The following MDFIC2 variants were observed in gnomAD, a reference collection of about 807,000 sequenced individuals.
MDFIC2 encodes the protein myoD family inhibitor domain-containing protein 2.
At chr3:70,311,038 C>T (rs1702449451) in intron 2 of MDFIC2, among the ~76,000 whole-genome samples, 1 of 152,172 alleles carries the variant, frequency 6.6e-6, no homozygotes, top group South Asian at 2.1e-4. Flanking sequence ...TATCAATAAA[C>T]ATTGTCAATG....
chr3:70,279,281 C>G (rs1483143854), intron 2 of MDFIC2, among the ~76,000 whole-genome samples: 1 of 151,986 alleles, frequency 6.6e-6, no homozygotes, highest in Non-Finnish European at 1.5e-5. Context: ...GAAACCAAGA[C>G]TCTGAGAGAT....
At chr3:70,211,866 C>G (rs944683840) in intron 2 of MDFIC2, among the ~76,000 whole-genome samples, 4 of 148,994 alleles carry the variant, frequency 2.7e-5, no homozygotes, top group Non-Finnish European at 5.9e-5. Context: ...TTTTCTTTCT[C>G]CCTTCCCTTC....
chr3:70,262,028 C>T (rs139565155), intron 2 of MDFIC2, among the ~76,000 whole-genome samples: 4 of 152,262 alleles, frequency 2.6e-5, no homozygotes, highest in East Asian at 1.9e-4. Flanking sequence ...ATAGAGGAGA[C>T]GGATTTGAGC....
intron 2 of MDFIC2, among the ~76,000 whole-genome samples, chr3:70,211,368 TTCCC>T (rs1701344254): frequency 2.7e-4 from 1 of 3,772 alleles, no homozygotes; most frequent in Admixed American, 4.9e-3. Context: ...CCCTTTGCCC[TTCCC>T]TTCCCTTTCC....
At chr3:70,231,919 A>G (rs538675397) in intron 2 of MDFIC2, among the ~76,000 whole-genome samples, 2 of 152,250 alleles carry the variant, frequency 1.3e-5, no homozygotes, top group African/African-American at 4.8e-5. Context: ...TCCAGAGCTG[A>G]TGCTACACCA....
intron 2 of MDFIC2, among the ~76,000 whole-genome samples, chr3:70,208,451 G>C (rs538449119): frequency 6.6e-6 from 1 of 151,994 alleles, no homozygotes; most frequent in Non-Finnish European, 1.5e-5. Flanking sequence ...TAAGGCAATG[G>C]GTTCTAGACT....
At chr3:70,283,209 A>T (rs1702106294) in intron 2 of MDFIC2, among the ~76,000 whole-genome samples, 1 of 152,138 alleles carries the variant, frequency 6.6e-6, no homozygotes, top group Admixed American at 6.5e-5. Context: ...TCCCAGCTTC[A>T]TCAGGAATGA....
chr3:70,273,585 G>T (rs1465064198), intron 2 of MDFIC2, among the ~76,000 whole-genome samples: 1 of 152,128 alleles, frequency 6.6e-6, no homozygotes. Context: ...TTAAAAAAAA[G>T]AAATGCAGGT....
chr3:70,265,833 C>T (rs903082425), intron 2 of MDFIC2, among the ~76,000 whole-genome samples: 6 of 152,150 alleles, frequency 3.9e-5, no homozygotes, highest in African/African-American at 1.4e-4. Flanking sequence ...GAATGAGTGC[C>T]AGCCGGGGAA....
Position 70,221,291 on chromosome 3 carries a change from T to C in MDFIC2, c.89-14501A>G, listed in dbSNP as rs116367510. 4.3e-3 allele frequency among the ~76,000 whole-genome samples: 650 copies of C among 152,304 alleles called. 5 individuals carry two copies. Among genetic ancestry groups the C allele is most frequent in the African/African-American group, 0.014 (601 of 41,570 alleles). On this transcript the variant is annotated intron_variant, in intron 2 of 3. Transcript: ENST00000567252. The stretch of plus-strand genomic sequence containing the variant: ...CACACTATGAGAAGCTTTGCCTAAG[T>C]GCTTTAAATGAATTCTCATTTAATC...
intron 2 of MDFIC2, among the ~76,000 whole-genome samples, chr3:70,265,886 T>G (rs2106665941): frequency 6.6e-6 from 1 of 152,214 alleles, no homozygotes; most frequent in African/African-American, 2.4e-5. Context: ...TGAGACTCAC[T>G]CCCTGTCACG....
chr3:70,258,022 T>C (rs1163816033), intron 2 of MDFIC2, among the ~76,000 whole-genome samples: 2 of 152,156 alleles, frequency 1.3e-5, no homozygotes, highest in African/African-American at 2.4e-5. Context: ...GGTAATTAAA[T>C]GGGGGAAATG....
chr3:70,211,353 CCCTTCCCTTTGCCCTTCCCTTCCCTTT>C (rs1701343462), intron 2 of MDFIC2, among the ~76,000 whole-genome samples: 1 of 6,580 alleles, frequency 1.5e-4, no homozygotes, highest in Non-Finnish European at 1.5e-3. Flanking sequence ...TTTTGCCCTT[CCCTTCCCTTTGCCCTTCCCTTCCCTTT>C]CCTTCCTTTC....
chr3:70,289,292 A>G (rs1702202713), intron 2 of MDFIC2, among the ~76,000 whole-genome samples: 1 of 150,954 alleles, frequency 6.6e-6, no homozygotes, highest in Non-Finnish European at 1.5e-5. Context: ...TTGTCTGTAA[A>G]GTATTTTATT....
chr3:70,206,493 AGCATAT>A (rs1701291854), intron 3 of MDFIC2, 70 bp downstream of exon 3: 1 of 396,082 alleles, frequency 2.5e-6, no homozygotes, highest in Non-Finnish European at 4.4e-6. Context: ...TTTTCCTAAC[AGCATAT>A]GTGATGATTT....
chr3:70,286,584 A>C (rs1025487028), intron 2 of MDFIC2, among the ~76,000 whole-genome samples: 11 of 151,824 alleles, frequency 7.2e-5, no homozygotes, highest in Non-Finnish European at 1.3e-4. Flanking sequence ...AGTTTTTTCC[A>C]ATTCTGTGAA....
Position 70,220,953 on chromosome 3 carries a change from T to C in MDFIC2, c.89-14163A>G, listed in dbSNP as rs542997394. The stretch of plus-strand genomic sequence containing the variant: ...GTAAAGGGTGAATGAATGTAGTAGC[T>C]ATGCATCAGCTTACTAAGTGGTAGG... On this transcript the variant is annotated intron_variant, in intron 2 of 3. Transcript: ENST00000567252. Among the ~76,000 whole-genome samples, 6 of 152,320 alleles carry C rather than the reference T, an allele frequency of 3.9e-5. No homozygotes were observed. In the East Asian group the frequency reaches 1.2e-3, roughly 29 times the overall value.
chr3:70,271,415 A>G (rs903260461), intron 2 of MDFIC2, among the ~76,000 whole-genome samples: 16 of 152,202 alleles, frequency 1.1e-4, no homozygotes, highest in African/African-American at 3.4e-4. Flanking sequence ...ACCATTTGGG[A>G]TGCAGATTCA....
chr3:70,237,387 A>C (rs1017513633), intron 2 of MDFIC2, among the ~76,000 whole-genome samples: 1 of 152,186 alleles, frequency 6.6e-6, no homozygotes, highest in African/African-American at 2.4e-5. Flanking sequence ...AACCAAATAA[A>C]AAAGCCCATT....
Sources: gnomAD v4.1 joint callset for allele counts (sites outside exome capture counted in the v4.1 genomes callset) on GRCh38, gnomAD v4.1.1 for gene constraint, MANE v1.5 for transcripts, NCBI Gene and HGNC (gene_info 2026-07-23, HGNC 2026-07-21) for gene names.